UGT2B11: variants seen among roughly 807,000 people sequenced by gnomAD.
The protein encoded by UGT2B11 is UDP glucuronosyltransferase family 2 member B11, also known as UDP-glucuronosyltransferase 2B11.
UGT2B11 carries 49 observed loss-of-function variants against 51.7 expected under a neutral mutation model. The ratio of observed to expected loss-of-function variants is 0.95; its 90% CI spans 0.75 to 1.20. UGT2B11 has a LOEUF of 1.20. UGT2B11 is among the 50% of genes most tolerant of loss of function. UGT2B11 has a pLI of 0.00. For synonymous variants in UGT2B11, 273 were observed against 209.0 expected, an observed-to-expected ratio of 1.31 and a Z score of -2.64; for missense variants, 810 against 622.1, an observed-to-expected ratio of 1.30 and a Z score of -3.21.
chr4:69,223,040 G>A, the UGT2B11 span, among the ~76,000 whole-genome samples: 51 of 152,190 alleles, frequency 3.4e-4, no homozygotes, highest in East Asian at 6.2e-3. Flanking sequence ...CTGTCACGAA[G>A]GGCAAAGAAA....
chr4:69,200,214 T>G lies in UGT2B11; in HGVS notation c.*226A>C, dbSNP rs1342474400. 1 of 481,122 alleles carries G rather than the reference T, an allele frequency of 2.1e-6. No individual in the cohort carries two copies. The highest frequency in any genetic ancestry group is 2.0e-5 in the African/African-American group (1 of 49,524). The allele number at this position is 481,122 out of a possible 1,614,324, so 29.8% of individuals were successfully genotyped here. On this transcript the variant is annotated 3_prime_UTR_variant, in exon 6 of 6. Coordinates refer to ENST00000446444, the MANE Select transcript of UGT2B11 (RefSeq NM_001073.3). Reference sequence around the variant, plus strand: ...ATGGCTTTATATTATTTTTTAATTTTCCTAGTATTTTCTTCATTGCCACAA... The same window carrying G: ...ATGGCTTTATATTATTTTTTAATTTGCCTAGTATTTTCTTCATTGCCACAA...
chr4:69,213,687 A>T (rs1447857741), intron 1 of UGT2B11, among the ~76,000 whole-genome samples: 3 of 151,824 alleles, frequency 2.0e-5, no homozygotes, highest in Admixed American at 6.6e-5. Context: ...TACTTGATGG[A>T]TTTTACTGTT....
At chr4:69,203,644 C>G (rs1348226946) in intron 5 of UGT2B11, among the ~76,000 whole-genome samples, 1 of 151,510 alleles carries the variant, frequency 6.6e-6, no homozygotes, top group Non-Finnish European at 1.5e-5. Flanking sequence ...AAATATTACA[C>G]AAGTGGAAAG....
Position 69,205,509 on chromosome 4 carries a change from T to A in UGT2B11, c.1061A>T (p.Tyr354Phe), listed in dbSNP as rs770067267. ...PDALGLNTRL[Y>F]KWIPQNDLLG... The stretch of plus-strand genomic sequence containing the variant: ...AAGGTCATTCTGGGGTATCCACTTG[T>A]ACAGCCGAGTATTGAGACCTAAGGC... Residue 354 changes from tyrosine to phenylalanine, a missense_variant, in exon 4 of 6, where the codon TAC (tyrosine) becomes TTC (phenylalanine). By Grantham distance (22) the Tyr-to-Phe change is conservative. Transcript: ENST00000446444. 28 of 1,610,788 alleles carry A rather than the reference T, an allele frequency of 1.7e-5. No individual in the cohort carries two copies. In the South Asian group the frequency reaches 2.7e-4, roughly 16 times the overall value.
chr4:69,223,614 G>A, the UGT2B11 span, among the ~76,000 whole-genome samples: 26 of 152,232 alleles, frequency 1.7e-4, no homozygotes, highest in African/African-American at 5.8e-4. Flanking sequence ...CCCAATTTAC[G>A]TGGGCCTGGC....
At chr4:69,218,793 A>T (rs1363311269), upstream of UGT2B11, among the ~76,000 whole-genome samples, 4 of 151,920 alleles carry the variant, frequency 2.6e-5, no homozygotes, top group South Asian at 2.1e-4. Flanking sequence ...CTTTGTTTCA[A>T]GTTTTTCTTA....
intron 5 of UGT2B11, among the ~76,000 whole-genome samples, chr4:69,203,201 A>G (rs982059923): frequency 2.0e-5 from 3 of 151,738 alleles, no homozygotes; most frequent in Non-Finnish European, 4.4e-5. Flanking sequence ...TGTTCCAAGC[A>G]TTGGAATAGA....
chr4:69,208,545 T>C (rs1376054695), intron 2 of UGT2B11, 63 bp from the exon 3 acceptor site: 5 of 1,574,024 alleles, frequency 3.2e-6, no homozygotes, highest in Admixed American at 2.0e-5. Flanking sequence ...ACTGAAAGAA[T>C]TGGTACCAAA....
intron 5 of UGT2B11, 60 bp downstream of exon 5, chr4:69,204,370 A>C: frequency 6.3e-7 from 1 of 1,596,812 alleles, no homozygotes; most frequent in Admixed American, 1.7e-5. Context: ...ACTCATGCTC[A>C]CTATTGACAA....
intron 2 of UGT2B11, among the ~76,000 whole-genome samples, chr4:69,211,601 G>T (rs1290288397): frequency 3.3e-5 from 5 of 151,522 alleles, no homozygotes; most frequent in East Asian, 1.9e-4. Context: ...TAAGTGTTTT[G>T]TCTGTTTTAA....
intron 5 of UGT2B11, 195 bp downstream of exon 5, chr4:69,204,235 T>C (rs973599215): frequency 2.6e-5 from 19 of 723,560 alleles, no homozygotes; most frequent in Non-Finnish European, 3.7e-5. Context: ...CACTAACTGG[T>C]TACTCATTAG....
the UGT2B11 span, among the ~76,000 whole-genome samples, chr4:69,221,283 T>C: frequency 6.6e-6 from 1 of 152,200 alleles, no homozygotes; most frequent in Non-Finnish European, 1.5e-5. Context: ...AATTGGGGTG[T>C]TCCAAGGACT....
At chr4:69,216,040 A>G (rs1435976106), upstream of UGT2B11, 1 of 152,056 alleles carries the variant, frequency 6.6e-6, no homozygotes, top group African/African-American at 2.4e-5. Flanking sequence ...TGATATGACA[A>G]CAGTTACATC....
chr4:69,207,931 A>T (rs1434834880), intron 3 of UGT2B11, among the ~76,000 whole-genome samples: 2 of 151,654 alleles, frequency 1.3e-5, no homozygotes, highest in African/African-American at 2.4e-5. Context: ...AGTTCTGGAT[A>T]TATATTTTTA....
chr4:69,221,014 G>C, the UGT2B11 span, among the ~76,000 whole-genome samples: 4 of 152,312 alleles, frequency 2.6e-5, no homozygotes, highest in Admixed American at 1.3e-4. Context: ...AGCCTGCCTA[G>C]TATTCTGGCT....
At chr4:69,223,340 C>T in the UGT2B11 span, among the ~76,000 whole-genome samples, 2 of 152,122 alleles carry the variant, frequency 1.3e-5, no homozygotes, top group African/African-American at 2.4e-5. Context: ...TCCTGGGACT[C>T]ATCTTCTCTT....
At chr4:69,202,862 T>A (rs1721709143) in intron 5 of UGT2B11, among the ~76,000 whole-genome samples, 1 of 151,712 alleles carries the variant, frequency 6.6e-6, no homozygotes, top group African/African-American at 2.4e-5. Context: ...TTCCATTTTC[T>A]TTGGGATAAA....
chr4:69,205,111 T>A (rs1019449376), intron 4 of UGT2B11, among the ~76,000 whole-genome samples: 7 of 151,562 alleles, frequency 4.6e-5, no homozygotes, highest in Non-Finnish European at 7.4e-5. Flanking sequence ...CTCCAGAAAA[T>A]ACAGAGTTAC....
chr4:69,207,184 GAT>G (rs1456033300), intron 3 of UGT2B11, among the ~76,000 whole-genome samples: 1 of 151,540 alleles, frequency 6.6e-6, no homozygotes, highest in East Asian at 1.9e-4. Context: ...TTAACACTTA[GAT>G]AACGTGCTAC....
Sources: gnomAD v4.1 joint callset for allele counts (sites outside exome capture counted in the v4.1 genomes callset) on GRCh38, gnomAD v4.1.1 for gene constraint, MANE v1.5 for transcripts, NCBI Gene and HGNC (gene_info 2026-07-23, HGNC 2026-07-21) for gene names.